The following PHF2 variants were observed in gnomAD, a reference collection of about 807,000 sequenced individuals.
PHF2 encodes the protein PHD finger protein 2.
PHF2 carries 27 observed loss-of-function variants against 120.5 expected under a neutral mutation model. That is an observed-to-expected ratio of 0.22 (90% CI 0.17 to 0.31). PHF2 has a LOEUF of 0.31. PHF2 is among the 10% of genes least tolerant of loss of function. The probability of loss-of-function intolerance (pLI) is 1.00; values close to 1 mark genes in which losing one functional copy is unlikely to be tolerated. For missense variants in PHF2, 1,024 were observed against 1,434.8 expected (o/e 0.71, Z 4.63); for synonymous variants, 568 against 592.5 (o/e 0.96, Z 0.60).
intron 17 of PHF2, among the ~76,000 whole-genome samples, chr9:93,670,695 A>G (rs1336432671): frequency 2.0e-5 from 3 of 152,160 alleles, no homozygotes; most frequent in African/African-American, 7.2e-5. Flanking sequence ...CTGTGGGATG[A>G]CAGTGGTCAC....
rs574441830 is a variant in PHF2, at chr9:93,610,796, G to A, written c.99-19174G>A. The stretch of plus-strand genomic sequence containing the variant: ...CTATTTGGAGAAATGTGACTTCTGG[G>A]GCCTCTTTTGTTTTGGTCTGTACAT... On this transcript the variant is annotated intron_variant, in intron 1 of 21. Transcript: ENST00000359246. Among the ~76,000 whole-genome samples, 9 of 152,200 alleles carry A rather than the reference G, an allele frequency of 5.9e-5. No individual in the cohort carries two copies. The South Asian group carries it at 6.2e-4, about 11-fold the overall frequency.
intron 1 of PHF2, among the ~76,000 whole-genome samples, chr9:93,600,825 G>C (rs749960401): frequency 3.3e-5 from 5 of 152,222 alleles, no homozygotes; most frequent in African/African-American, 4.8e-5. Flanking sequence ...AGTCTAACCA[G>C]GCCTGATCCT....
At chr9:93,664,010 G>A (rs545212999) in intron 14 of PHF2, among the ~76,000 whole-genome samples, 2 of 152,352 alleles carry the variant, frequency 1.3e-5, no homozygotes, top group South Asian at 4.1e-4. Context: ...ATGCCTGGGT[G>A]GGACTGGGCT....
intron 1 of PHF2, among the ~76,000 whole-genome samples, chr9:93,623,298 A>G (rs1825854652): frequency 6.6e-6 from 1 of 152,146 alleles, no homozygotes; most frequent in Admixed American, 6.5e-5. Context: ...TGCTGAAGGG[A>G]CTGTCTTCAG....
At chr9:93,593,856 T>A (rs944835821) in intron 1 of PHF2, among the ~76,000 whole-genome samples, 14 of 152,250 alleles carry the variant, frequency 9.2e-5, no homozygotes, top group Non-Finnish European at 1.9e-4. Context: ...GGAGGGAATA[T>A]GCCAACATGT....
At chr9:93,645,486 C>A in intron 3 of PHF2, 143 bp from the exon 4 acceptor site, 2 of 802,778 alleles carry the variant, frequency 2.5e-6, no homozygotes, top group Non-Finnish European at 3.8e-6. Flanking sequence ...TTTGTGGCAC[C>A]ACGGCCAGGC....
rs200703437 is a variant in PHF2, at chr9:93,645,594, G to C, written c.300-35G>C. 8.5e-5 allele frequency: 130 copies of C among 1,527,562 alleles called. 1 individual carries two copies. In the East Asian group the frequency reaches 2.7e-3, roughly 32 times the overall value. The allele number at this position is 1,527,562 out of a possible 1,614,324, so 94.6% of individuals were successfully genotyped here. On this transcript the variant is annotated intron_variant, in intron 3 of 21. Transcript: ENST00000359246. ...CCTGTCCCGGTGCAGGAGGCCTCGGGCCCAATGTGGCCTCTGACCTGTGCT... is the reference window on the plus strand; with the variant it reads ...CCTGTCCCGGTGCAGGAGGCCTCGGCCCCAATGTGGCCTCTGACCTGTGCT...
In PHF2 at chr9:93,677,339, C is replaced by G. The variant is rs575645872; in HGVS notation, c.3203-249C>G. Among the ~76,000 whole-genome samples the G allele has an allele frequency of 1.3e-4, 19 of 151,958 alleles. No individual in the cohort carries two copies. In the East Asian group the frequency reaches 3.3e-3, roughly 27 times the overall value. ...TCATGTCCTCCTCATAATGCCATCC[C>G]CAAGCCCATGTCCATCCTACCTGCC... On this transcript the variant is annotated intron_variant, in intron 21 of 21. Transcript: ENST00000359246. The surrounding 1 kb of genome is among the most constrained non-coding windows in gnomAD (Gnocchi z 4.4).
rs1380704918 is a variant in PHF2 at position 93,649,168 on chromosome 9, C to T, written c.558C>T (p.Arg186=). The change falls in exon 5 of 22, where the codon CGC becomes CGT. Residue 186 remains arginine, a synonymous_variant. Transcript: ENST00000359246. ...EFVDYYYSTN[R]KRVLNVTNLE... Reference sequence around the variant, plus strand: ...TGGACTATTACTACAGCACCAACCGCAAGCGGGTCCTCAACGTCACCAACC... The same window carrying T: ...TGGACTATTACTACAGCACCAACCGTAAGCGGGTCCTCAACGTCACCAACC... 1.9e-6 allele frequency: 3 copies of T among 1,546,772 alleles called. No individual in the cohort carries two copies. The highest frequency in any genetic ancestry group is 2.0e-5 in the Admixed American group (1 of 50,842).
chr9:93,607,611 G>A (rs1825564373), intron 1 of PHF2, among the ~76,000 whole-genome samples: 1 of 151,932 alleles, frequency 6.6e-6, no homozygotes, highest in Non-Finnish European at 1.5e-5. Flanking sequence ...TGTGCTAAAT[G>A]TGTAGATCAA....
intron 1 of PHF2, among the ~76,000 whole-genome samples, chr9:93,616,769 G>A (rs923328892): frequency 6.6e-6 from 1 of 151,608 alleles, no homozygotes; most frequent in African/African-American, 2.4e-5. Context: ...GATTTCTCCT[G>A]CTGCAGCATC....
chr9:93,651,226 C>T (rs1156953912), intron 5 of PHF2, among the ~76,000 whole-genome samples: 1 of 151,904 alleles, frequency 6.6e-6, no homozygotes, highest in Non-Finnish European at 1.5e-5. Context: ...TACCAAACAA[C>T]ATAACTGAGT....
At chr9:93,654,013 G>A (rs1826414740) in intron 6 of PHF2, among the ~76,000 whole-genome samples, 1 of 152,116 alleles carries the variant, frequency 6.6e-6, no homozygotes, top group African/African-American at 2.4e-5. Flanking sequence ...TGCTCCTGGT[G>A]CAGAACCCCT....
rs1826924298 is a variant in PHF2 at position 93,676,796 on chromosome 9, C to G, written c.3035C>G (p.Pro1012Arg). 2 of 1,552,736 alleles carry G rather than the reference C, an allele frequency of 1.3e-6. No homozygotes were observed. Among genetic ancestry groups the G allele is most frequent in the South Asian group, 1.2e-5 (1 of 84,244 alleles). The change falls in exon 21 of 22, where the codon CCC becomes CGC. Residue 1012 changes from proline (P) to arginine (R), a missense_variant. By Grantham distance (103) the Pro-to-Arg change is moderately radical (BLOSUM62 -2). Transcript: ENST00000359246. ...TCGCAGGAGGGCAGCTCGCCAGAGC[C>G]CCCGCCTGAGTCGCATAGCAGCAGC... ...QASQEGSSPE[P>R]PPESHSSSLA...
intron 1 of PHF2, among the ~76,000 whole-genome samples, chr9:93,598,439 G>A (rs1564375826): frequency 6.6e-6 from 1 of 152,150 alleles, no homozygotes; most frequent in Non-Finnish European, 1.5e-5. Flanking sequence ...TGGGGCCCCG[G>A]GGGGCTGGAT....
At chr9:93,675,977 G>C (rs920757537) in intron 20 of PHF2, among the ~76,000 whole-genome samples, 188 bp downstream of exon 20, 1 of 152,204 alleles carries the variant, frequency 6.6e-6, no homozygotes, top group East Asian at 1.9e-4. Context: ...CCCCGTGTGG[G>C]GTCCGGGGGA....
Position 93,676,741 on chromosome 9 carries a change from G to A in PHF2, c.2980G>A (p.Ala994Thr), listed in dbSNP as rs751238476. The change falls in exon 21 of 22, where the codon GCC becomes ACC. Residue 994 changes from alanine (A) to threonine (T), a missense_variant. By Grantham distance (58) the Ala-to-Thr change is moderately conservative (BLOSUM62 0). Coordinates refer to ENST00000359246, the MANE Select transcript of PHF2 (RefSeq NM_005392.4). ...ASTTPASTTP[A>T]STSTASSQAS... The stretch of plus-strand genomic sequence containing the variant: ...TACCACCCCGGCCTCCACCACCCCG[G>A]CCTCCACCAGCACGGCCAGCAGCCA... The A allele has an allele frequency of 1.9e-6, 3 of 1,555,582 alleles. No individual in the cohort carries two copies. The highest frequency in any genetic ancestry group is 2.7e-5 in the African/African-American group (2 of 73,216).
intron 1 of PHF2, among the ~76,000 whole-genome samples, chr9:93,616,878 A>C (rs1347696786): frequency 3.3e-5 from 5 of 149,854 alleles, no homozygotes. Flanking sequence ...CTAGTCTTGA[A>C]CTCCTGACCT....
At chr9:93,606,162 G>A (rs1825539389) in intron 1 of PHF2, among the ~76,000 whole-genome samples, 1 of 152,048 alleles carries the variant, frequency 6.6e-6, no homozygotes, top group Non-Finnish European at 1.5e-5. Flanking sequence ...TAGAGATGGG[G>A]TTTTGCCACA....
Sources: allele counts gnomAD v4.1 joint callset (sites outside exome capture counted in the v4.1 genomes callset), GRCh38; gene constraint gnomAD v4.1.1; non-coding constraint Gnocchi (gnomAD v3.1); transcripts MANE v1.5; gene names NCBI Gene and HGNC (gene_info 2026-07-23, HGNC 2026-07-21).